Variants in TAFA2 observed in about 807,000 individuals in gnomAD.
TAFA2 encodes TAFA chemokine like family member 2.
In TAFA2, 7 loss-of-function variants were observed where a neutral mutation model predicts 18.8. The ratio of observed to expected loss-of-function variants is 0.37; its 90% CI spans 0.21 to 0.70. The LOEUF (loss-of-function observed/expected upper bound fraction) is 0.70. Ranked by LOEUF, TAFA2 falls within the 30% of genes least tolerant of loss-of-function variation. TAFA2 has a pLI of 0.53. For synonymous variants in TAFA2, 60 were observed against 54.2 expected (o/e 1.11, Z -0.47); for missense variants, 122 against 158.1 (o/e 0.77, Z 1.23).
chr12:61,796,426 G>A (rs146835413), intron 2 of TAFA2, among the ~76,000 whole-genome samples: 393 of 152,142 alleles, frequency 2.6e-3, no homozygotes, highest in African/African-American at 8.9e-3. Flanking sequence ...GATTCAGAGT[G>A]TATATTGTAT....
At chr12:61,721,175 G>T (rs1288095296) in intron 4 of TAFA2, among the ~76,000 whole-genome samples, 1 of 151,340 alleles carries the variant, frequency 6.6e-6, no homozygotes, top group Non-Finnish European at 1.5e-5. Context: ...GTTTTTACAA[G>T]AAATTTAAAA....
chr12:61,718,468 CTG>C (rs970059825), intron 4 of TAFA2, among the ~76,000 whole-genome samples: 1 of 152,184 alleles, frequency 6.6e-6, no homozygotes, highest in African/African-American at 2.4e-5. Context: ...CACACACACA[CTG>C]TGTTTGTTTC....
chr12:61,947,647 T>C (rs979842407), intron 1 of TAFA2, among the ~76,000 whole-genome samples: 1 of 152,102 alleles, frequency 6.6e-6, no homozygotes, highest in African/African-American at 2.4e-5. Context: ...TTTCTACCCA[T>C]CCTTTCAAAG....
At chr12:62,174,532 A>C (rs1349526640) in intron 1 of TAFA2, among the ~76,000 whole-genome samples, 1 of 152,166 alleles carries the variant, frequency 6.6e-6, no homozygotes, top group Non-Finnish European at 1.5e-5. Flanking sequence ...GGTCACCTAC[A>C]TCAAATGTGA....
intron 1 of TAFA2, among the ~76,000 whole-genome samples, chr12:61,992,005 T>C (rs1880027513): frequency 6.6e-6 from 1 of 152,218 alleles, no homozygotes; most frequent in East Asian, 1.9e-4. Flanking sequence ...CTCATCTTCC[T>C]GCCCTCTAAA....
At chr12:61,774,391 C>G (rs1382123476) in intron 2 of TAFA2, among the ~76,000 whole-genome samples, 1 of 151,838 alleles carries the variant, frequency 6.6e-6, no homozygotes, top group Non-Finnish European at 1.5e-5. Context: ...TTTATAGCAG[C>G]ACAATTTTTA....
chr12:61,771,240 T>C (rs1335499844), intron 2 of TAFA2, among the ~76,000 whole-genome samples: 1 of 151,894 alleles, frequency 6.6e-6, no homozygotes, highest in Non-Finnish European at 1.5e-5. Flanking sequence ...AGATCCCAAA[T>C]TTATAAAACA....
chr12:62,107,175 T>G (rs1869497126), intron 1 of TAFA2, among the ~76,000 whole-genome samples: 1 of 152,096 alleles, frequency 6.6e-6, no homozygotes, highest in Non-Finnish European at 1.5e-5. Flanking sequence ...GTAAAATATC[T>G]CTGGTATTTC....
At chr12:62,256,411 A>C (rs2062939295) in intron 1 of TAFA2, among the ~76,000 whole-genome samples, 1 of 152,224 alleles carries the variant, frequency 6.6e-6, no homozygotes, top group African/African-American at 2.4e-5. Flanking sequence ...TAGACCTTTA[A>C]TTGGGATAGA....
chr12:62,043,310 G>T (rs1287876097), intron 1 of TAFA2, among the ~76,000 whole-genome samples: 1 of 152,140 alleles, frequency 6.6e-6, no homozygotes, highest in Non-Finnish European at 1.5e-5. Context: ...CATGTCCTTT[G>T]TAGGGACATG....
intron 1 of TAFA2, among the ~76,000 whole-genome samples, chr12:61,878,363 G>A (rs59223108): frequency 0.015 from 2,259 of 152,220 alleles, 47 homozygotes; most frequent in African/African-American, 0.05. Context: ...GGCAAGAGTC[G>A]TAATGGGAAC....
intron 1 of TAFA2, among the ~76,000 whole-genome samples, chr12:62,093,027 C>T (rs1459145117): frequency 3.9e-5 from 6 of 151,970 alleles, no homozygotes; most frequent in South Asian, 2.1e-4. Flanking sequence ...TTAGTCCATT[C>T]GCATCTTCTT....
intron 1 of TAFA2, among the ~76,000 whole-genome samples, chr12:62,201,105 G>T (rs201782793): frequency 6.6e-6 from 1 of 152,116 alleles, no homozygotes; most frequent in Non-Finnish European, 1.5e-5. Context: ...TCCTGAGACC[G>T]CTGAATTTGC....
At chr12:61,733,116 GTTGT>G (rs1868250689) in intron 4 of TAFA2, among the ~76,000 whole-genome samples, 2 of 151,634 alleles carry the variant, frequency 1.3e-5, no homozygotes, top group African/African-American at 2.4e-5. Context: ...TTTTGATGGG[GTTGT>G]TTGTTTTTTT....
intron 1 of TAFA2, among the ~76,000 whole-genome samples, chr12:61,983,196 T>A (rs1272970722): frequency 1.3e-5 from 2 of 152,110 alleles, no homozygotes; most frequent in East Asian, 3.9e-4. Context: ...CTTTACAATA[T>A]CCTACATCTC....
chr12:61,904,442 C>T (rs138524909), intron 1 of TAFA2, among the ~76,000 whole-genome samples: 2,281 of 152,210 alleles, frequency 0.015, 56 homozygotes, highest in African/African-American at 0.05. Flanking sequence ...TACATGTTTC[C>T]TTCATGAAAT....
chr12:62,217,427 G>A (rs879507490), intron 1 of TAFA2, among the ~76,000 whole-genome samples: 1 of 152,188 alleles, frequency 6.6e-6, no homozygotes, highest in Non-Finnish European at 1.5e-5. Context: ...ACTGGGCCCT[G>A]GTAGACAGAG....
At chr12:62,064,627 G>C (rs954145887) in intron 1 of TAFA2, among the ~76,000 whole-genome samples, 3 of 152,148 alleles carry the variant, frequency 2.0e-5, no homozygotes, top group African/African-American at 7.2e-5. Context: ...TCTTAAGCTA[G>C]TTATCCACAT....
At chr12:61,965,240 C>T (rs1190373735) in intron 1 of TAFA2, among the ~76,000 whole-genome samples, 1 of 151,812 alleles carries the variant, frequency 6.6e-6, no homozygotes, top group Non-Finnish European at 1.5e-5. Flanking sequence ...CCCAGAGGAA[C>T]TTGTTTGCCC....
Sources: gnomAD v4.1 joint callset for allele counts (sites outside exome capture counted in the v4.1 genomes callset) on GRCh38, gnomAD v4.1.1 for gene constraint, MANE v1.5 for transcripts, NCBI Gene and HGNC (gene_info 2026-07-23, HGNC 2026-07-21) for gene names.